SLC6A3: variants seen among roughly 807,000 people sequenced by gnomAD.
SLC6A3 encodes the protein solute carrier family 6 member 3.
SLC6A3 carries 19 observed loss-of-function variants against 70.4 expected under a neutral mutation model. The observed-to-expected ratio is 0.27, with a 90% CI of 0.19 to 0.40. SLC6A3 has a LOEUF of 0.40. Ranked by LOEUF, SLC6A3 falls within the 10% of genes least tolerant of loss-of-function variation. The pLI is 1.00. For synonymous variants in SLC6A3, 368 were observed against 356.6 expected (o/e 1.03, Z -0.36); for missense variants, 613 against 838.5 (o/e 0.73, Z 3.32).
chr5:1,433,896 C>T (rs1483354167), intron 3 of SLC6A3, among the ~76,000 whole-genome samples: 8 of 152,164 alleles, frequency 5.3e-5, no homozygotes, highest in Non-Finnish European at 7.4e-5. Flanking sequence ...TCCACCCGGC[C>T]ATCCACAACA....
At chr5:1,412,060 C>G (rs1169101635) in intron 8 of SLC6A3, among the ~76,000 whole-genome samples, 3 of 152,136 alleles carry the variant, frequency 2.0e-5, no homozygotes, top group Admixed American at 6.5e-5. Context: ...CACACGTCCA[C>G]ACTATTTAGT....
intron 1 of SLC6A3, 31 bp from the exon 2 acceptor site, chr5:1,443,273 C>A: frequency 6.5e-7 from 1 of 1,529,920 alleles, no homozygotes; most frequent in Non-Finnish European, 9.0e-7. Flanking sequence ...AAACACACAA[C>A]AGGAACGCAA....
At chr5:1,409,223 G>A (rs1469866095) in intron 10 of SLC6A3, 98 bp from the exon 11 acceptor site, 2 of 894,268 alleles carry the variant, frequency 2.2e-6, no homozygotes, top group African/African-American at 3.3e-5. Context: ...TTCACTCACT[G>A]CAAAACTCTG....
chr5:1,412,853 T>C (rs1474471812), intron 8 of SLC6A3, among the ~76,000 whole-genome samples: 1 of 152,048 alleles, frequency 6.6e-6, no homozygotes. Flanking sequence ...AGCAGCGGGG[T>C]CAGACCTGGG....
At position 1,411,173 on chromosome 5, in the gene SLC6A3, A is replaced by G; in HGVS notation, c.1269+70T>C. The G allele has an allele frequency of 9.3e-7, 1 of 1,080,122 alleles. No homozygotes were observed. The highest frequency in any genetic ancestry group is 2.6e-5 in the East Asian group (1 of 38,852). The allele number at this position is 1,080,122 out of a possible 1,614,324, so 66.9% of individuals were successfully genotyped here. A position where few individuals can be genotyped will look rare whatever the true frequency, so the allele number is the denominator to read the frequency against. On this transcript the variant is annotated intron_variant, in intron 9 of 14. Coordinates refer to ENST00000270349, the MANE Select transcript of SLC6A3 (RefSeq NM_001044.5). The surrounding 1 kb of genome is among the most constrained non-coding windows in gnomAD (Gnocchi z 6.5). ...CCCAGGGATCTTGCCTAGCCCTGGGAGGGCAGGGCCCCCTCGGGTGGAAGG... is the reference window on the plus strand; with the variant it reads ...CCCAGGGATCTTGCCTAGCCCTGGGGGGGCAGGGCCCCCTCGGGTGGAAGG...
intron 6 of SLC6A3, among the ~76,000 whole-genome samples, chr5:1,418,734 CCCAT>C (rs1313794495): frequency 6.7e-6 from 1 of 149,224 alleles, no homozygotes; most frequent in African/African-American, 2.5e-5. Context: ...CATCCACCCA[CCCAT>C]CCATCATCCA....
rs186354976 is a variant in SLC6A3, at chr5:1,401,659, A to G, written c.1768-673T>C. ...CCACTTGTACCTGGCTCAGCTGCTG[A>G]GGTTTTACTTGGCTTACGTTCAGAG... On this transcript the variant is annotated intron_variant, in intron 13 of 14. Coordinates refer to ENST00000270349, the MANE Select transcript of SLC6A3 (RefSeq NM_001044.5). This position sits in a 1 kb window ranked among gnomAD's most constrained non-coding sequence, Gnocchi z 6.1. Among the ~76,000 whole-genome samples, 45 of 152,204 alleles carry G rather than the reference A, an allele frequency of 3.0e-4. No homozygotes were observed. The highest frequency in any genetic ancestry group is 5.9e-4 in the Admixed American group (9 of 15,302).
Position 1,436,668 on chromosome 5 carries a change from A to G in SLC6A3, c.419-3970T>C, listed in dbSNP as rs980289979. On this transcript the variant is annotated intron_variant, in intron 3 of 14. Coordinates refer to ENST00000270349, the MANE Select transcript of SLC6A3 (RefSeq NM_001044.5). The surrounding 1 kb of genome is among the most constrained non-coding windows in gnomAD (Gnocchi z 5.2). ...TATAAAATATTTTATATTCAATACAATCGAATGGTGGGGTTTCCAGGGCGT... is the reference window on the plus strand; with the variant it reads ...TATAAAATATTTTATATTCAATACAGTCGAATGGTGGGGTTTCCAGGGCGT... 6.6e-6 allele frequency among the ~76,000 whole-genome samples: 1 copy of G among 152,210 alleles called. No individual in the cohort carries two copies. The highest frequency in any genetic ancestry group is 2.4e-5 in the African/African-American group (1 of 41,442).
At position 1,442,945 on chromosome 5, in the gene SLC6A3, G is replaced by A. The variant is rs1064795122; in HGVS notation, c.253C>T (p.Arg85Trp). ...TTTTTGTAGCACAGGTAGGGGAACC[G>A]CCAGACGTTGGCCAGGTCCACAGCA... ...GFAVDLANVWRFPYLCYKNGG... is the reference protein window; with the variant it reads ...GFAVDLANVWWFPYLCYKNGG... The change falls in exon 2 of 15, where the codon CGG becomes TGG. Residue 85 changes from arginine (R) to tryptophan (W), a missense_variant. Coordinates refer to ENST00000270349, the MANE Select transcript of SLC6A3 (RefSeq NM_001044.5). This position sits in a 1 kb window ranked among gnomAD's most constrained non-coding sequence, Gnocchi z 5.0. The A allele has an allele frequency of 6.8e-6, 11 of 1,614,190 alleles. No individual in the cohort carries two copies. Among genetic ancestry groups the A allele is most frequent in the Non-Finnish European group, 8.5e-6 (10 of 1,180,026 alleles).
chr5:1,421,960 C>G lies in SLC6A3; in HGVS notation c.708G>C (p.Pro236=), dbSNP rs1002810411. The part of the protein sequence containing the change: ...QSHGIDDLGP[P]RWQLTACLVL... ...CCAGGCAGGCTGTGAGCTGCCACCG[C>G]GGAGGCCCCAGGTCGTCGATGCCAT... The change falls in exon 5 of 15, where the codon CCG becomes CCC. Residue 236 remains proline, a synonymous_variant. Coordinates refer to ENST00000270349, the MANE Select transcript of SLC6A3 (RefSeq NM_001044.5). This position sits in a 1 kb window ranked among gnomAD's most constrained non-coding sequence, Gnocchi z 7.2. 1 of 1,613,048 alleles carries G rather than the reference C, an allele frequency of 6.2e-7. No homozygotes were observed. The highest frequency in any genetic ancestry group is 1.7e-5 in the Admixed American group (1 of 60,006).
chr5:1,436,313 G>T lies in SLC6A3; in HGVS notation c.419-3615C>A, dbSNP rs1249360584. Among the ~76,000 whole-genome samples, 1 of 152,212 alleles carries T rather than the reference G, an allele frequency of 6.6e-6. No homozygotes were observed. On this transcript the variant is annotated intron_variant, in intron 3 of 14. Coordinates refer to ENST00000270349, the MANE Select transcript of SLC6A3 (RefSeq NM_001044.5). The surrounding 1 kb of genome is among the most constrained non-coding windows in gnomAD (Gnocchi z 5.2). ...CCTGTTGGCTACAGAACCTTCTAGT[G>T]ATCTCTGCTCATGACATCACTGTGG...
rs1460025546 is a variant in SLC6A3, at chr5:1,432,474, C to T, written c.643G>A (p.Glu215Lys). Residue 215 changes from glutamate (E) to lysine (K), a missense_variant, in exon 4 of 15, where the codon GAG becomes AAG. Glu to Lys is a moderately conservative substitution (Grantham distance 56). Transcript: ENST00000270349. ...NDTFGTTPAA[E>K]YFERGVLHLH... ...CCGACTCCCACTTACTCAAAGTACTCGGCAGCAGGTGTGGTCCCAAAAGTG... is the reference window on the plus strand; with the variant it reads ...CCGACTCCCACTTACTCAAAGTACTTGGCAGCAGGTGTGGTCCCAAAAGTG... 3 of 1,613,468 alleles carry T rather than the reference C, an allele frequency of 1.9e-6. No individual in the cohort carries two copies. Among genetic ancestry groups the T allele is most frequent in the Middle Eastern group, 1.7e-4 (1 of 6,060 alleles).
At position 1,401,249 on chromosome 5, in the gene SLC6A3, T is replaced by C. The variant is rs2126320257; in HGVS notation, c.1768-263A>G. 1.5e-6 allele frequency: 1 copy of C among 677,000 alleles called. No individual in the cohort carries two copies. Among genetic ancestry groups the C allele is most frequent in the South Asian group, 1.5e-5 (1 of 66,514 alleles). The allele number at this position is 677,000 out of a possible 1,614,324, so 41.9% of individuals were successfully genotyped here. On this transcript the variant is annotated intron_variant, in intron 13 of 14. Transcript: ENST00000270349. This position sits in a 1 kb window ranked among gnomAD's most constrained non-coding sequence, Gnocchi z 6.1. ...TTAAAGTCTAGCGCAGAGCAGAACATCAGCATTTGAGCACTCGCTTGAAAA... is the reference window on the plus strand; with the variant it reads ...TTAAAGTCTAGCGCAGAGCAGAACACCAGCATTTGAGCACTCGCTTGAAAA...
rs1443271625 is a variant in SLC6A3 at position 1,400,976 on chromosome 5, T to C, written c.1778A>G (p.Tyr593Cys). 1 of 1,595,698 alleles carries C rather than the reference T, an allele frequency of 6.3e-7. No individual in the cohort carries two copies. Residue 593 changes from tyrosine to cysteine, a missense_variant, in exon 14 of 15, where the codon TAC becomes TGC. Physicochemically the swap from Tyr to Cys is radical, Grantham distance 194. Coordinates refer to ENST00000270349, the MANE Select transcript of SLC6A3 (RefSeq NM_001044.5). ...ACGGTCCTTCTCGGGTGCAATGGCG[T>C]AGGCCAGTTTCTGAAAGAGAAAGAG... ...LPGSFREKLA[Y>C]AIAPEKDREL... is the part of the protein sequence containing the mutation.
At chr5:1,435,713 G>T (rs1560924921) in intron 3 of SLC6A3, among the ~76,000 whole-genome samples, 1 of 151,332 alleles carries the variant, frequency 6.6e-6, no homozygotes. Flanking sequence ...TGAGGAAATG[G>T]CTCCCTTGAA....
rs769174027 is a variant in SLC6A3, at chr5:1,400,716, C to G, written c.1839+199G>C. On this transcript the variant is annotated intron_variant, in intron 14 of 14. Transcript: ENST00000270349. ...GCAGCCGCACCTCCCAGGGCCCCTG[C>G]GTCATGTGCCCCCCGTCCCGGGCAC... 3.9e-4 allele frequency among the ~76,000 whole-genome samples: 59 copies of G among 152,328 alleles called. 1 individual carries two copies. The highest frequency in any genetic ancestry group is 5.9e-4 in the Admixed American group (9 of 15,310).
At position 1,403,026 on chromosome 5, in the gene SLC6A3, C is replaced by T. The variant is rs750854317; in HGVS notation, c.1663G>A (p.Asp555Asn). ...ACCCAGCCCAGCGCGTTGGCCCAGT[C>T]GGGGAAGATGTAGGCTCCGTAGTGG... is the stretch of plus-strand genomic sequence containing the variant. ...PPHYGAYIFP[D>N]WANALGWVIA... The change falls in exon 13 of 15, where the codon GAC becomes AAC. Residue 555 changes from aspartate (D) to asparagine (N), a missense_variant. Asp to Asn is a conservative substitution (Grantham distance 23). Around this residue, in one of 4 missense-constraint regions of SLC6A3, gnomAD observed 348 missense variants for 481.2 expected, o/e 0.72. Coordinates refer to ENST00000270349, the MANE Select transcript of SLC6A3 (RefSeq NM_001044.5). The T allele has an allele frequency of 2.0e-5, 33 of 1,613,884 alleles. No homozygotes were observed. The highest frequency in any genetic ancestry group is 6.6e-5 in the South Asian group (6 of 91,092).
At position 1,408,251 on chromosome 5, in the gene SLC6A3, C is replaced by G. The variant is rs541447496; in HGVS notation, c.1498+775G>C. Among the ~76,000 whole-genome samples, 8 of 145,600 alleles carry G rather than the reference C, an allele frequency of 5.5e-5. No homozygotes were observed. In the South Asian group the frequency reaches 1.7e-3, roughly 31 times the overall value. On this transcript the variant is annotated intron_variant, in intron 11 of 14. Transcript: ENST00000270349. This position sits in a 1 kb window ranked among gnomAD's most constrained non-coding sequence, Gnocchi z 6.4. ...TAAAGATGGGGTTTTACCATGTTGG[C>G]CAGGATGGTCTTGATCTCTTGATCT...
rs560237726 is a variant in SLC6A3 at position 1,418,755 on chromosome 5, C to T, written c.927+1814G>A. On this transcript the variant is annotated intron_variant, in intron 6 of 14. Transcript: ENST00000270349. ...CCCACCCATCCATCATCCATCCATCCATCCATGCTGTCCAGCTACCTACCT... is the reference window on the plus strand; with the variant it reads ...CCCACCCATCCATCATCCATCCATCTATCCATGCTGTCCAGCTACCTACCT... Among the ~76,000 whole-genome samples the T allele has an allele frequency of 5.3e-5, 8 of 151,496 alleles. No homozygotes were observed. The South Asian group carries it at 1.5e-3, about 28-fold the overall frequency.
Sources: allele counts gnomAD v4.1 joint callset (sites outside exome capture counted in the v4.1 genomes callset), GRCh38; gene constraint gnomAD v4.1.1; regional missense constraint gnomAD v4.1.1; non-coding constraint Gnocchi (gnomAD v3.1); transcripts MANE v1.5; gene names NCBI Gene and HGNC (gene_info 2026-07-23, HGNC 2026-07-21).